Variants in ST3GAL3 observed in about 807,000 individuals in gnomAD.
ST3GAL3 encodes the protein CMP-N-acetylneuraminate-beta-1,4-galactoside alpha-2,3-sialyltransferase.
A neutral mutation model predicts 50.1 loss-of-function variants in ST3GAL3; 21 were observed. The observed-to-expected ratio is 0.42, with a 90% CI of 0.30 to 0.60. ST3GAL3 has a LOEUF of 0.60. Among genes scored for constraint, ST3GAL3 ranks in the 20% least tolerant of loss-of-function variants. The pLI, the probability that ST3GAL3 is intolerant of heterozygous loss-of-function variation, is 0.19. For synonymous variants in ST3GAL3, 183 were observed against 190.0 expected, an observed-to-expected ratio of 0.96 and a Z score of 0.30; for missense variants, 353 against 489.4, an observed-to-expected ratio of 0.72 and a Z score of 2.63.
At chr1:43,910,886 C>T (rs753310265) in intron 9 of ST3GAL3, among the ~76,000 whole-genome samples, 4 of 152,170 alleles carry the variant, frequency 2.6e-5, no homozygotes, top group African/African-American at 7.2e-5. Flanking sequence ...CAACCTTTGC[C>T]GTGGAGTGAA....
At position 43,814,921 on chromosome 1, in the gene ST3GAL3, T is replaced by G. The variant is rs758216581; in HGVS notation, c.197T>G (p.Leu66Arg). 4 of 1,614,078 alleles carry G rather than the reference T, an allele frequency of 2.5e-6. No individual in the cohort carries two copies. Among genetic ancestry groups the G allele is most frequent in the African/African-American group, 1.3e-5 (1 of 74,922 alleles). The change falls in exon 4 of 12, where the codon CTG (leucine) becomes CGG (arginine). Residue 66 changes from leucine (L) to arginine (R), a missense_variant. By Grantham distance (102) the Leu-to-Arg change is moderately radical (BLOSUM62 -2). Transcript: ENST00000347631. ...GATCGGTTGGGCTTCCTCCTGAATC[T>G]GGACTCTAAACTGTGAGTAGAATGA... is the stretch of plus-strand genomic sequence containing the variant. ...EYDRLGFLLN[L>R]DSKLPAELAT...
intron 2 of ST3GAL3, among the ~76,000 whole-genome samples, chr1:43,745,589 A>G (rs115792667): frequency 2.7e-3 from 415 of 152,310 alleles, no homozygotes; most frequent in African/African-American, 9.7e-3. Flanking sequence ...CCGTAAGATT[A>G]TAATATCATA....
At chr1:43,851,249 G>A (rs2067244362) in intron 5 of ST3GAL3, 1 of 1,574,388 alleles carries the variant, frequency 6.4e-7, no homozygotes, top group Non-Finnish European at 8.7e-7. Flanking sequence ...AAAGAAGATG[G>A]ACGTGGCAGA....
At chr1:43,781,874 C>T (rs1341581279) in intron 2 of ST3GAL3, among the ~76,000 whole-genome samples, 2 of 152,154 alleles carry the variant, frequency 1.3e-5, no homozygotes, top group Non-Finnish European at 2.9e-5. Context: ...CTTACTCTCC[C>T]ATCCCTATAC....
rs1194298587 is a variant in ST3GAL3 at position 43,707,665 on chromosome 1, A to C, written c.-59A>C. 2.0e-5 allele frequency: 3 copies of C among 151,380 alleles called. No homozygotes were observed. The highest frequency in any genetic ancestry group is 4.4e-5 in the Non-Finnish European group (3 of 68,150). 9.4% of individuals were successfully genotyped at this position (151,380 alleles called of 1,614,324 possible). On this transcript the variant is annotated 5_prime_UTR_variant, in exon 1 of 12. Coordinates refer to ENST00000347631, the MANE Select transcript of ST3GAL3 (RefSeq NM_006279.5). ...CCTGCCCCGCGTCGGGCCGGGCGCC[A>C]CCTCCCCCCTGCCTCCCTCTCCGCT...
intron 5 of ST3GAL3, among the ~76,000 whole-genome samples, chr1:43,873,304 A>G (rs890101859): frequency 4.6e-5 from 7 of 152,186 alleles, no homozygotes; most frequent in African/African-American, 1.7e-4. Context: ...AGGTGTGAGT[A>G]TGAGAGAAAG....
chr1:43,898,067 G>A (rs985456254), intron 6 of ST3GAL3, 168 bp from the exon 7 acceptor site: 4 of 738,630 alleles, frequency 5.4e-6, no homozygotes, highest in Non-Finnish European at 9.4e-6. Flanking sequence ...TCCTTTCTCA[G>A]GAAGAAAGTC....
chr1:43,833,099 T>G (rs1333768154), intron 4 of ST3GAL3, among the ~76,000 whole-genome samples: 1 of 152,180 alleles, frequency 6.6e-6, no homozygotes, highest in Non-Finnish European at 1.5e-5. Context: ...TCCAGTCCTC[T>G]CTGAGATGGT....
chr1:43,876,630 G>C (rs1474896029), intron 5 of ST3GAL3, among the ~76,000 whole-genome samples: 1 of 152,164 alleles, frequency 6.6e-6, no homozygotes, highest in East Asian at 1.9e-4. Flanking sequence ...AACTTTACCA[G>C]GTAATGGCAG....
chr1:43,774,473 T>C (rs1184107736), intron 2 of ST3GAL3, among the ~76,000 whole-genome samples: 1 of 152,184 alleles, frequency 6.6e-6, no homozygotes, highest in Non-Finnish European at 1.5e-5. Flanking sequence ...TTCAGGACTT[T>C]TGCATTGCTG....
intron 2 of ST3GAL3, among the ~76,000 whole-genome samples, chr1:43,770,473 G>T (rs1694731074): frequency 6.6e-6 from 1 of 152,128 alleles, no homozygotes; most frequent in Non-Finnish European, 1.5e-5. Context: ...AAAAAGATAG[G>T]ACATTTCAAA....
chr1:43,899,599 C>T lies in ST3GAL3; in HGVS notation c.616C>T (p.Arg206Cys), dbSNP rs2077941741. 3.1e-6 allele frequency: 5 copies of T among 1,614,088 alleles called. No homozygotes were observed. The highest frequency in any genetic ancestry group is 4.2e-6 in the Non-Finnish European group (5 of 1,180,018). The change falls in exon 9 of 12, where the codon CGC becomes TGC. Residue 206 changes from arginine (R) to cysteine (C), a missense_variant. Arg to Cys is a radical substitution (Grantham distance 180, BLOSUM62 -3). Transcript: ENST00000347631. This position sits in a 1 kb window ranked among gnomAD's most constrained non-coding sequence, Gnocchi z 5.4. ...GGACGTGGGCAGCAAAACGACACTG[C>T]GCATCACCTACCCCGAGGGCGCCAT... ...EKDVGSKTTLRITYPEGAMQR... is the reference protein window; with the variant it reads ...EKDVGSKTTLCITYPEGAMQR...
intron 2 of ST3GAL3, among the ~76,000 whole-genome samples, chr1:43,764,557 GGAA>G (rs1413416474): frequency 2.0e-5 from 3 of 152,272 alleles, no homozygotes; most frequent in South Asian, 4.1e-4. Flanking sequence ...AAGGAAATGA[GGAA>G]GAAGGGAAAA....
intron 3 of ST3GAL3, among the ~76,000 whole-genome samples, chr1:43,811,415 AC>A (rs1057290452): frequency 2.2e-4 from 34 of 151,986 alleles, no homozygotes; most frequent in Admixed American, 1.9e-3. Context: ...TGTTCTGATG[AC>A]CCCTTTCCAT....
At chr1:43,864,800 T>C (rs1254203608) in intron 5 of ST3GAL3, among the ~76,000 whole-genome samples, 6 of 152,034 alleles carry the variant, frequency 3.9e-5, no homozygotes, top group Non-Finnish European at 7.4e-5. Flanking sequence ...TAAAAATGGA[T>C]TCCTAGTTTC....
chr1:43,807,346 G>T (rs2060011550), intron 3 of ST3GAL3, among the ~76,000 whole-genome samples: 1 of 152,090 alleles, frequency 6.6e-6, no homozygotes, highest in African/African-American at 2.4e-5. Context: ...AGCCCAGGGG[G>T]CAGAGGTTGC....
intron 5 of ST3GAL3, chr1:43,879,375 G>A (rs757561129): frequency 2.2e-6 from 1 of 456,218 alleles, no homozygotes; most frequent in Non-Finnish European, 4.4e-6. Context: ...GGCATGGTAT[G>A]GTTGATGATT....
At chr1:43,797,367 A>G (rs2058798504) in intron 3 of ST3GAL3, among the ~76,000 whole-genome samples, 1 of 152,200 alleles carries the variant, frequency 6.6e-6, no homozygotes, top group Non-Finnish European at 1.5e-5. Context: ...GTGGCACAAT[A>G]CTAGAAGATT....
intron 2 of ST3GAL3, among the ~76,000 whole-genome samples, chr1:43,785,360 T>C (rs1303568326): frequency 2.6e-5 from 4 of 152,200 alleles, no homozygotes; most frequent in Non-Finnish European, 5.9e-5. Flanking sequence ...GGTGGCAGGT[T>C]CACCTCACAC....
Sources: gnomAD v4.1 joint callset for allele counts (sites outside exome capture counted in the v4.1 genomes callset) on GRCh38, gnomAD v4.1.1 for gene constraint, Gnocchi (gnomAD v3.1) non-coding constraint, MANE v1.5 for transcripts, NCBI Gene and HGNC (gene_info 2026-07-23, HGNC 2026-07-21) for gene names.